The following ITGA9 variants were observed in gnomAD, a reference collection of about 807,000 sequenced individuals.
ITGA9 encodes integrin subunit alpha 9.
A neutral mutation model predicts 127.8 loss-of-function variants in ITGA9; 56 were observed. The ratio of observed to expected loss-of-function variants is 0.44; its 90% CI spans 0.35 to 0.55. The LOEUF is 0.55. Ranked by LOEUF, ITGA9 falls within the 20% of genes least tolerant of loss-of-function variation. ITGA9 has a pLI of 0.00. For synonymous variants in ITGA9, 508 were observed against 514.5 expected (o/e 0.99, Z 0.17); for missense variants, 1,196 against 1,347.1 (o/e 0.89, Z 1.76).
intron 15 of ITGA9, among the ~76,000 whole-genome samples, chr3:37,584,562 C>G (rs1490577993): frequency 1.3e-5 from 2 of 152,058 alleles, no homozygotes; most frequent in Non-Finnish European, 2.9e-5. Flanking sequence ...TGAGACCATC[C>G]TGGCCAACGC....
At chr3:37,508,447 C>A in intron 7 of ITGA9, 112 bp from the exon 8 acceptor site, 1 of 800,312 alleles carries the variant, frequency 1.2e-6, no homozygotes, top group Non-Finnish European at 2.1e-6. Context: ...ATAAGCACAT[C>A]TGCTGTGCAC....
intron 15 of ITGA9, among the ~76,000 whole-genome samples, chr3:37,592,666 G>C (rs1431272991): frequency 6.6e-6 from 1 of 152,166 alleles, no homozygotes; most frequent in Non-Finnish European, 1.5e-5. Context: ...AGTCAGCAGG[G>C]TGGATTGAGA....
At chr3:37,670,111 C>CTT (rs752633855) in intron 17 of ITGA9, among the ~76,000 whole-genome samples, 37 of 144,620 alleles carry the variant, frequency 2.6e-4, no homozygotes, top group African/African-American at 7.8e-4. Flanking sequence ...AATGTTAAAA[C>CTT]TTTTTTTTTT....
intron 17 of ITGA9, among the ~76,000 whole-genome samples, chr3:37,662,549 A>G (rs1202436666): frequency 6.6e-6 from 1 of 152,138 alleles, no homozygotes; most frequent in African/African-American, 2.4e-5. Flanking sequence ...CTCTCCAACC[A>G]TAACAGTTCC....
At chr3:37,591,089 C>T (rs1484591607) in intron 15 of ITGA9, among the ~76,000 whole-genome samples, 8 of 152,142 alleles carry the variant, frequency 5.3e-5, no homozygotes, top group Admixed American at 5.2e-4. Context: ...TTCCATGCCA[C>T]CCCTCCTGCC....
chr3:37,598,545 A>AG (rs1491396488), intron 15 of ITGA9, among the ~76,000 whole-genome samples: 1 of 152,092 alleles, frequency 6.6e-6, no homozygotes, highest in Non-Finnish European at 1.5e-5. Flanking sequence ...TGGGAGAGTC[A>AG]GGGGGGTCAG....
chr3:37,521,405 C>G (rs1008060916), intron 11 of ITGA9, among the ~76,000 whole-genome samples: 3 of 152,208 alleles, frequency 2.0e-5, no homozygotes, highest in Non-Finnish European at 2.9e-5. Flanking sequence ...AACTCTCTCT[C>G]GAGTTTACCA....
At chr3:37,736,295 C>G (rs937790376) in intron 19 of ITGA9, among the ~76,000 whole-genome samples, 1 of 152,186 alleles carries the variant, frequency 6.6e-6, no homozygotes, top group African/African-American at 2.4e-5. Flanking sequence ...CCTAGCCACA[C>G]TCAGGAGAAC....
At chr3:37,726,051 A>G (rs570202656) in intron 18 of ITGA9, among the ~76,000 whole-genome samples, 67 of 152,384 alleles carry the variant, frequency 4.4e-4, no homozygotes, top group African/African-American at 1.6e-3. Context: ...GAGTGCTGCT[A>G]ATAAAGTGTT....
intron 8 of ITGA9, among the ~76,000 whole-genome samples, chr3:37,510,538 G>C (rs533924515): frequency 6.6e-6 from 1 of 152,074 alleles, no homozygotes; most frequent in Non-Finnish European, 1.5e-5. Context: ...TCAGGTTTTT[G>C]GGGGTAGATC....
intron 1 of ITGA9, among the ~76,000 whole-genome samples, chr3:37,456,339 G>A (rs1436969717): frequency 1.3e-5 from 2 of 152,192 alleles, no homozygotes; most frequent in African/African-American, 2.4e-5. Flanking sequence ...CACTCCCTGA[G>A]TCTTCTGGCG....
intron 2 of ITGA9, 42 bp downstream of exon 2, chr3:37,471,176 C>T (rs1698427589): frequency 1.9e-6 from 3 of 1,609,498 alleles, no homozygotes; most frequent in Non-Finnish European, 2.5e-6. Flanking sequence ...GGTTCTGTAC[C>T]CTTATACCTT....
chr3:37,655,357 T>C (rs1435595624), intron 17 of ITGA9, among the ~76,000 whole-genome samples: 2 of 152,196 alleles, frequency 1.3e-5, no homozygotes, highest in African/African-American at 4.8e-5. Flanking sequence ...CCAGCACCTG[T>C]TGTTTTCTTG....
chr3:37,507,908 G>T (rs1698862079), intron 7 of ITGA9, among the ~76,000 whole-genome samples: 2 of 152,214 alleles, frequency 1.3e-5, no homozygotes, highest in South Asian at 4.1e-4. Flanking sequence ...CCATAGTCAA[G>T]TACATTTAGG....
chr3:37,521,072 G>T (rs1446879819), intron 11 of ITGA9, among the ~76,000 whole-genome samples: 2 of 152,168 alleles, frequency 1.3e-5, no homozygotes, highest in African/African-American at 2.4e-5. Flanking sequence ...TTGTCAGCAC[G>T]CAGGCTGGCT....
At chr3:37,738,397 G>T (rs1696392081) in intron 20 of ITGA9, among the ~76,000 whole-genome samples, 1 of 152,170 alleles carries the variant, frequency 6.6e-6, no homozygotes, top group Non-Finnish European at 1.5e-5. Context: ...GTGTACTGGG[G>T]ATTCGTGCAC....
chr3:37,801,455 T>G (rs567555123), intron 26 of ITGA9, among the ~76,000 whole-genome samples: 1 of 152,270 alleles, frequency 6.6e-6, no homozygotes, highest in Non-Finnish European at 1.5e-5. Context: ...CTATGTATAT[T>G]CGACTTCAAT....
intron 18 of ITGA9, among the ~76,000 whole-genome samples, chr3:37,698,342 T>G (rs1326717684): frequency 1.3e-5 from 2 of 152,214 alleles, no homozygotes; most frequent in African/African-American, 4.8e-5. Context: ...TTAGTTTAAT[T>G]AGATCCCATT....
intron 26 of ITGA9, among the ~76,000 whole-genome samples, chr3:37,792,417 G>A (rs1290239649): frequency 1.3e-5 from 2 of 152,172 alleles, no homozygotes; most frequent in Admixed American, 6.5e-5. Flanking sequence ...GCTTTAGATT[G>A]GGGGTCGAGG....
Sources: allele counts gnomAD v4.1 joint callset (sites outside exome capture counted in the v4.1 genomes callset), GRCh38; gene constraint gnomAD v4.1.1; transcripts MANE v1.5; gene names NCBI Gene and HGNC (gene_info 2026-07-23, HGNC 2026-07-21).